Variants in AFAP1 observed in about 807,000 individuals in gnomAD.
AFAP1 encodes actin filament-associated protein 1.
In AFAP1, 75 loss-of-function variants were observed where a neutral mutation model predicts 93.9. That is an observed-to-expected ratio of 0.80 (90% CI 0.66 to 0.97). AFAP1 has a LOEUF of 0.97. AFAP1 is among the 50% of genes least tolerant of loss of function. The probability of loss-of-function intolerance (pLI) is 0.00; values close to 1 mark genes in which losing one functional copy is unlikely to be tolerated. For synonymous variants in AFAP1, 517 were observed against 430.7 expected (o/e 1.20, Z -2.48); for missense variants, 1,201 against 1,050.8 (o/e 1.14, Z -1.98).
rs955389540 is a variant in AFAP1, at chr4:7,760,042, C to A, written c.*3723G>T. 3 of 152,184 alleles carry A rather than the reference C, an allele frequency of 2.0e-5. No homozygotes were observed. Among genetic ancestry groups the A allele is most frequent in the African/African-American group, 7.2e-5 (3 of 41,454 alleles). The allele number at this position is 152,184 out of a possible 1,614,324, so 9.4% of individuals were successfully genotyped here. A position where few individuals can be genotyped will look rare whatever the true frequency, so the allele number is the denominator to read the frequency against. On this transcript the variant is annotated 3_prime_UTR_variant, in exon 18 of 18. Coordinates refer to ENST00000420658, the MANE Select transcript of AFAP1 (RefSeq NM_001134647.2). ...GCCTTTTTGGAAAGGGAAGGTGTGG[C>A]CACAAACAGGGGAGCTTTGCTCACA...
intron 5 of AFAP1, among the ~76,000 whole-genome samples, chr4:7,839,594 A>G (rs1182652104): frequency 6.6e-6 from 1 of 152,222 alleles, no homozygotes; most frequent in Non-Finnish European, 1.5e-5. Context: ...TTATTTTAGT[A>G]AGAGGATAAC....
intron 11 of AFAP1, among the ~76,000 whole-genome samples, chr4:7,789,596 G>A (rs138572976): frequency 2.1e-5 from 1 of 48,608 alleles, no homozygotes; most frequent in African/African-American, 1.5e-4. Context: ...CGCACCAGCC[G>A]CTGCTTTCCA....
chr4:7,772,911 G>C lies in AFAP1; in HGVS notation c.2162C>G (p.Thr721Arg), dbSNP rs138253331. Residue 721 changes from threonine (T) to arginine (R), a missense_variant, in exon 16 of 18, where the codon ACG (threonine) becomes AGG (arginine). Transcript: ENST00000420658. Reference sequence around the variant, plus strand: ...TTTCTTCAGGCTCTCCTTGACCTCCGTCAGCTCCAGCTCCAGGCTGACACG... The same window carrying C: ...TTTCTTCAGGCTCTCCTTGACCTCCCTCAGCTCCAGCTCCAGGCTGACACG... Reference protein sequence around the residue: ...AERVSLELELTEVKESLKKAL... With the variant: ...AERVSLELELREVKESLKKAL... 2 of 1,614,064 alleles carry C rather than the reference G, an allele frequency of 1.2e-6. No individual in the cohort carries two copies. The highest frequency in any genetic ancestry group is 8.5e-7 in the Non-Finnish European group (1 of 1,180,020).
At chr4:7,904,302 A>G (rs771888494) in intron 1 of AFAP1, among the ~76,000 whole-genome samples, 6 of 152,058 alleles carry the variant, frequency 3.9e-5, no homozygotes, top group Non-Finnish European at 8.8e-5. Context: ...CTCTCCACAC[A>G]TGACAGACAG....
At chr4:7,927,590 C>T (rs1361144889) in intron 1 of AFAP1, among the ~76,000 whole-genome samples, 1 of 152,034 alleles carries the variant, frequency 6.6e-6, no homozygotes, top group African/African-American at 2.4e-5. Flanking sequence ...TTTGGGAGGC[C>T]GAGGCAGGAG....
intron 1 of AFAP1, among the ~76,000 whole-genome samples, chr4:7,893,308 CG>C (rs1201879593): frequency 6.6e-6 from 1 of 152,190 alleles, no homozygotes; most frequent in African/African-American, 2.4e-5. Context: ...TGGCTGGGTG[CG>C]GTGGCTCACG....
intron 4 of AFAP1, among the ~76,000 whole-genome samples, chr4:7,852,374 C>A (rs1191704412): frequency 6.6e-6 from 1 of 152,200 alleles, no homozygotes; most frequent in Non-Finnish European, 1.5e-5. Flanking sequence ...CACCTGGCCA[C>A]ACTGGGCTCC....
intron 1 of AFAP1, among the ~76,000 whole-genome samples, chr4:7,906,241 G>A (rs186125003): frequency 6.0e-4 from 92 of 152,236 alleles, no homozygotes; most frequent in Non-Finnish European, 8.8e-5. Flanking sequence ...CTCGCTGAAG[G>A]CTCTTAGCTT....
At chr4:7,821,764 C>A (rs1033999883) in intron 6 of AFAP1, among the ~76,000 whole-genome samples, 1 of 152,194 alleles carries the variant, frequency 6.6e-6, no homozygotes, top group Non-Finnish European at 1.5e-5. Flanking sequence ...ATCCAAATTC[C>A]CTCAGCTTGT....
chr4:7,778,647 C>A, intron 14 of AFAP1, 115 bp downstream of exon 14: 1 of 991,730 alleles, frequency 1.0e-6, no homozygotes, highest in South Asian at 1.3e-5. Flanking sequence ...GTGCCCACCG[C>A]TCCATCTCTC....
At chr4:7,901,483 C>A (rs960970408) in intron 1 of AFAP1, among the ~76,000 whole-genome samples, 1 of 152,218 alleles carries the variant, frequency 6.6e-6, no homozygotes, top group Admixed American at 6.5e-5. Flanking sequence ...CAAGCAAGAC[C>A]GGTCTCCGTG....
chr4:7,914,545 T>C (rs1399144582), intron 1 of AFAP1, among the ~76,000 whole-genome samples: 4 of 152,172 alleles, frequency 2.6e-5, no homozygotes, highest in Non-Finnish European at 5.9e-5. Context: ...CATCATGTGC[T>C]GCTGGACACC....
rs187963258 is a variant in AFAP1, at chr4:7,907,745, A to T, written c.-3+31911T>A. Reference sequence around the variant, plus strand: ...TACATATTCAAAAATCCAAAAATGTAAAAAAATCTGAAACACTTCTGGTTC... The same window carrying T: ...TACATATTCAAAAATCCAAAAATGTTAAAAAATCTGAAACACTTCTGGTTC... On this transcript the variant is annotated intron_variant, in intron 1 of 17. Coordinates refer to ENST00000420658, the MANE Select transcript of AFAP1 (RefSeq NM_001134647.2). 1.4e-4 allele frequency among the ~76,000 whole-genome samples: 21 copies of T among 152,344 alleles called. 1 individual carries two copies. The East Asian group carries it at 3.5e-3, about 25-fold the overall frequency.
At chr4:7,864,167 A>AACTTCCCATCACAACACATT (rs1577313455) in intron 3 of AFAP1, among the ~76,000 whole-genome samples, 19 of 125,830 alleles carry the variant, frequency 1.5e-4, no homozygotes, top group South Asian at 2.7e-4. Flanking sequence ...ATCACAACCC[A>AACTTCCCATCACAACACATT]CAGGTCCTTT....
chr4:7,866,013 C>G (rs1716356173), intron 3 of AFAP1, among the ~76,000 whole-genome samples: 1 of 152,352 alleles, frequency 6.6e-6, no homozygotes, highest in African/African-American at 2.4e-5. Flanking sequence ...TCTCCTGCCT[C>G]AGCCTCCCAA....
At chr4:7,890,064 G>T (rs1163914341) in intron 1 of AFAP1, among the ~76,000 whole-genome samples, 1 of 118,276 alleles carries the variant, frequency 8.5e-6, no homozygotes, top group Non-Finnish European at 1.8e-5. Context: ...AAAGAACAAA[G>T]AACTAGAACA....
intron 1 of AFAP1, among the ~76,000 whole-genome samples, chr4:7,918,344 C>A (rs1199189604): frequency 4.2e-5 from 6 of 143,876 alleles, no homozygotes; most frequent in Non-Finnish European, 6.0e-5. Flanking sequence ...AACAGGGCTG[C>A]CGGAAGAGAC....
At chr4:7,763,812 G>T (rs1216130947) in intron 17 of AFAP1, 21 bp from the exon 18 acceptor site, 22 of 1,551,354 alleles carry the variant, frequency 1.4e-5, no homozygotes, top group Middle Eastern at 3.3e-4. Context: ...GGAGAGTCTT[G>T]TAAGTGGACA....
chr4:7,863,611 A>C (rs769696446), intron 3 of AFAP1, among the ~76,000 whole-genome samples: 2 of 152,144 alleles, frequency 1.3e-5, no homozygotes, highest in Non-Finnish European at 2.9e-5. Flanking sequence ...AGATTTCCAC[A>C]CTACACACAC....
Sources: allele counts gnomAD v4.1 joint callset (sites outside exome capture counted in the v4.1 genomes callset), GRCh38; gene constraint gnomAD v4.1.1; transcripts MANE v1.5; gene names NCBI Gene and HGNC (gene_info 2026-07-23, HGNC 2026-07-21).